CADM1: variants seen among roughly 807,000 people sequenced by gnomAD.
CADM1 encodes the protein cell adhesion molecule 1, also known as TSLC-1.
In CADM1, 15 loss-of-function variants were observed where a neutral mutation model predicts 53.1. That is an observed-to-expected ratio of 0.28 (90% CI 0.19 to 0.44). CADM1 has a LOEUF of 0.44. Ranked by LOEUF, CADM1 falls within the 20% of genes least tolerant of loss-of-function variation. The pLI is 1.00. For synonymous variants in CADM1, 281 were observed against 243.0 expected (o/e 1.16, Z -1.45); for missense variants, 434 against 611.3 (o/e 0.71, Z 3.06).
chr11:115,444,823 A>G (rs1192317601), intron 1 of CADM1, among the ~76,000 whole-genome samples: 2 of 152,234 alleles, frequency 1.3e-5, no homozygotes, highest in African/African-American at 4.8e-5. Context: ...AGCAAAGGTC[A>G]GTAAGCAGAT....
At chr11:115,476,891 G>C (rs1949144848) in intron 1 of CADM1, among the ~76,000 whole-genome samples, 1 of 152,114 alleles carries the variant, frequency 6.6e-6, no homozygotes, top group African/African-American at 2.4e-5. Flanking sequence ...TGACACTCAA[G>C]AAATACATAA....
intron 9 of CADM1, among the ~76,000 whole-genome samples, chr11:115,196,131 C>T (rs1591594398): frequency 1.3e-5 from 2 of 152,172 alleles, no homozygotes; most frequent in East Asian, 3.9e-4. Flanking sequence ...TTGCTTCTCA[C>T]AGTACACAAA....
chr11:115,201,699 T>A (rs1940437173), intron 8 of CADM1, among the ~76,000 whole-genome samples: 1 of 152,164 alleles, frequency 6.6e-6, no homozygotes, highest in Non-Finnish European at 1.5e-5. Context: ...AAACCTCATC[T>A]TGCTGCTGCC....
chr11:115,248,144 T>A (rs1942467387), intron 1 of CADM1, among the ~76,000 whole-genome samples: 1 of 152,232 alleles, frequency 6.6e-6, no homozygotes, highest in African/African-American at 2.4e-5. Context: ...TTTTTGACAT[T>A]AAGGCTGAAG....
chr11:115,238,462 T>C (rs760398599), intron 3 of CADM1, 38 bp downstream of exon 3: 1 of 1,609,732 alleles, frequency 6.2e-7, no homozygotes, highest in Non-Finnish European at 8.5e-7. Flanking sequence ...GCCATCTCTA[T>C]TCCATTTCCC....
chr11:115,311,223 G>T (rs759572723), intron 1 of CADM1, among the ~76,000 whole-genome samples: 1 of 152,038 alleles, frequency 6.6e-6, no homozygotes, highest in African/African-American at 2.4e-5. Context: ...CAACAAATAG[G>T]TAATAAAAAT....
At chr11:115,452,118 A>G (rs950659329) in intron 1 of CADM1, among the ~76,000 whole-genome samples, 2 of 112,940 alleles carry the variant, frequency 1.8e-5, no homozygotes, top group Admixed American at 1.1e-4. Flanking sequence ...TCTTTTTTAA[A>G]ATTTCTAAGG....
intron 1 of CADM1, among the ~76,000 whole-genome samples, chr11:115,429,835 C>T (rs1442888834): frequency 6.6e-6 from 1 of 152,066 alleles, no homozygotes; most frequent in Non-Finnish European, 1.5e-5. Context: ...GCAGGGATGT[C>T]CATGAGAAAA....
intron 10 of CADM1, among the ~76,000 whole-genome samples, chr11:115,185,547 AT>A (rs776849526): frequency 6.6e-6 from 1 of 152,132 alleles, no homozygotes; most frequent in East Asian, 1.9e-4. Context: ...TTTCTTGTTG[AT>A]TTTTTCCCCT....
chr11:115,211,997 C>A (rs1940987756), intron 7 of CADM1, among the ~76,000 whole-genome samples: 1 of 152,186 alleles, frequency 6.6e-6, no homozygotes, highest in Admixed American at 6.5e-5. Context: ...TTTATCACGA[C>A]TGGGGCAACT....
chr11:115,410,997 G>A (rs1947447165), intron 1 of CADM1, among the ~76,000 whole-genome samples: 1 of 152,116 alleles, frequency 6.6e-6, no homozygotes, highest in Admixed American at 6.6e-5. Flanking sequence ...TACAGTGTGA[G>A]AAAATATTCA....
At chr11:115,442,072 A>T (rs899711360) in intron 1 of CADM1, among the ~76,000 whole-genome samples, 6 of 151,924 alleles carry the variant, frequency 3.9e-5, no homozygotes, top group Admixed American at 2.0e-4. Flanking sequence ...TGGTATATAA[A>T]AAGTACAGAA....
rs1237311887 is a variant in CADM1, at chr11:115,351,549, A to C, written c.125-111129T>G. Among the ~76,000 whole-genome samples, 4 of 152,336 alleles carry C rather than the reference A, an allele frequency of 2.6e-5. No homozygotes were observed. The East Asian group carries it at 7.7e-4, about 29-fold the overall frequency. On this transcript the variant is annotated intron_variant, in intron 1 of 11. Transcript: ENST00000331581. ...TAAGACTGAAATCAGCGAGCAATGA[A>C]GTCTTCAGATTCTCCCCTATAAGAC... is the stretch of plus-strand genomic sequence containing the variant.
chr11:115,214,859 C>T (rs1941111569), intron 6 of CADM1, 79 bp from the exon 7 acceptor site: 1 of 1,307,506 alleles, frequency 7.6e-7, no homozygotes, highest in South Asian at 1.2e-5. Flanking sequence ...TGCAGGGTGA[C>T]ACAATTAATG....
intron 1 of CADM1, among the ~76,000 whole-genome samples, chr11:115,412,432 G>A (rs547312375): frequency 7.9e-5 from 12 of 152,192 alleles, no homozygotes; most frequent in African/African-American, 2.2e-4. Flanking sequence ...CCTGGTACTC[G>A]GGCTCAAGTG....
chr11:115,405,709 A>G (rs1947295880), intron 1 of CADM1, among the ~76,000 whole-genome samples: 1 of 152,250 alleles, frequency 6.6e-6, no homozygotes, highest in East Asian at 1.9e-4. Flanking sequence ...GGTAAAAAGC[A>G]AATTTCAGAA....
At chr11:115,340,658 A>ATATATATATATATATT (rs60532835) in intron 1 of CADM1, among the ~76,000 whole-genome samples, 2 of 34,936 alleles carry the variant, frequency 5.7e-5, no homozygotes, top group African/African-American at 2.8e-4. Flanking sequence ...ATATATATAT[A>ATATATATATATATATT]TTTTTTTTTT....
intron 1 of CADM1, among the ~76,000 whole-genome samples, chr11:115,371,190 A>G (rs1417407528): frequency 1.3e-5 from 2 of 152,146 alleles, no homozygotes; most frequent in Non-Finnish European, 2.9e-5. Flanking sequence ...ATTTTAAATT[A>G]TTTTTAATTT....
intron 1 of CADM1, among the ~76,000 whole-genome samples, chr11:115,365,740 TA>T (rs1007307680): frequency 1.0e-4 from 15 of 149,444 alleles, no homozygotes; most frequent in South Asian, 2.1e-4. Flanking sequence ...CGGCAAAAAA[TA>T]AAAAAAAAAT....
Sources: allele counts gnomAD v4.1 joint callset (sites outside exome capture counted in the v4.1 genomes callset), GRCh38; gene constraint gnomAD v4.1.1; transcripts MANE v1.5; gene names NCBI Gene and HGNC (gene_info 2026-07-23, HGNC 2026-07-21).